LRRC4C: variants seen among roughly 807,000 people sequenced by gnomAD.
LRRC4C encodes leucine rich repeat containing 4C.
A neutral mutation model predicts 33.6 loss-of-function variants in LRRC4C; 5 were observed. The observed-to-expected ratio is 0.15, with a 90% CI of 0.08 to 0.31. The LOEUF is 0.31. LRRC4C is among the 10% of genes least tolerant of loss of function. The pLI is 1.00. For missense variants in LRRC4C, 560 were observed against 796.7 expected (o/e 0.70, Z 3.58); for synonymous variants, 329 against 302.0 (o/e 1.09, Z -0.93).
intron 3 of LRRC4C, among the ~76,000 whole-genome samples, chr11:40,396,436 T>C (rs1373354768): frequency 6.6e-6 from 1 of 152,128 alleles, no homozygotes; most frequent in Non-Finnish European, 1.5e-5. Flanking sequence ...GTTAAAGATT[T>C]GTTAATAGTT....
At chr11:41,158,685 A>G (rs1944337683) in intron 1 of LRRC4C, among the ~76,000 whole-genome samples, 1 of 152,134 alleles carries the variant, frequency 6.6e-6, no homozygotes, top group South Asian at 2.1e-4. Context: ...TTATGCTTTC[A>G]TACACTCTCA....
intron 1 of LRRC4C, among the ~76,000 whole-genome samples, chr11:41,203,825 T>C (rs192547062): frequency 2.6e-5 from 4 of 152,288 alleles, no homozygotes; most frequent in Non-Finnish European, 5.9e-5. Context: ...AGAGAAGATA[T>C]CTGTATATAA....
At chr11:40,984,324 A>G (rs1852772130) in intron 1 of LRRC4C, among the ~76,000 whole-genome samples, 1 of 148,210 alleles carries the variant, frequency 6.7e-6, no homozygotes, top group Non-Finnish European at 1.5e-5. Context: ...AGAAAAAGAA[A>G]AGAAAGAAAG....
chr11:40,683,146 C>A (rs529398040), intron 2 of LRRC4C, among the ~76,000 whole-genome samples: 1 of 152,076 alleles, frequency 6.6e-6, no homozygotes, highest in African/African-American at 2.4e-5. Flanking sequence ...TAGTTCTATG[C>A]GGGAAAGCAG....
At chr11:40,715,665 A>G (rs1946670739) in intron 2 of LRRC4C, among the ~76,000 whole-genome samples, 2 of 152,220 alleles carry the variant, frequency 1.3e-5, no homozygotes, top group Non-Finnish European at 2.9e-5. Flanking sequence ...AGAACAGAAT[A>G]TGGCAAGGAA....
chr11:40,815,760 T>C (rs2135422311), intron 2 of LRRC4C, among the ~76,000 whole-genome samples: 1 of 152,304 alleles, frequency 6.6e-6, no homozygotes, highest in Non-Finnish European at 1.5e-5. Flanking sequence ...ACCTGCACCT[T>C]CCTCTTTAAC....
At chr11:40,615,892 G>A (rs1273657431) in intron 3 of LRRC4C, among the ~76,000 whole-genome samples, 1 of 151,746 alleles carries the variant, frequency 6.6e-6, no homozygotes, top group Non-Finnish European at 1.5e-5. Context: ...AACTAATGAA[G>A]AAAATCTGCT....
intron 3 of LRRC4C, among the ~76,000 whole-genome samples, chr11:40,524,353 G>T (rs1209653889): frequency 6.6e-6 from 1 of 152,128 alleles, no homozygotes; most frequent in East Asian, 1.9e-4. Flanking sequence ...AGATGGTGAT[G>T]AAGTTACTTT....
At chr11:40,881,343 A>T (rs1050694026) in intron 2 of LRRC4C, among the ~76,000 whole-genome samples, 1 of 152,160 alleles carries the variant, frequency 6.6e-6, no homozygotes, top group African/African-American at 2.4e-5. Flanking sequence ...AAAATCTAGG[A>T]CACATGTCTT....
intron 1 of LRRC4C, among the ~76,000 whole-genome samples, chr11:40,947,328 G>A (rs895094603): frequency 2.0e-5 from 3 of 152,096 alleles, no homozygotes; most frequent in Non-Finnish European, 2.9e-5. Context: ...CACATTTTAG[G>A]TTTTGCTGTT....
At position 40,642,448 on chromosome 11, in the gene LRRC4C, T is replaced by C. The variant is rs970006646; in HGVS notation, c.-270+5694A>G. Among the ~76,000 whole-genome samples, 5 of 152,154 alleles carry C rather than the reference T, an allele frequency of 3.3e-5. No homozygotes were observed. In the East Asian group the frequency reaches 9.6e-4, roughly 29 times the overall value. On this transcript the variant is annotated intron_variant, in intron 3 of 6. Coordinates refer to ENST00000528697, the MANE Select transcript of LRRC4C (RefSeq NM_001258419.2). ...ATCTCTCTCCCTCTGTTAACTCCCA[T>C]AGCAAGCCATGTGTGATGACTAATG...
chr11:40,499,614 G>T (rs557632998), intron 3 of LRRC4C, among the ~76,000 whole-genome samples: 1 of 152,300 alleles, frequency 6.6e-6, no homozygotes, highest in African/African-American at 2.4e-5. Flanking sequence ...ATGTATTGAT[G>T]ATTATGGAGA....
intron 1 of LRRC4C, among the ~76,000 whole-genome samples, chr11:41,398,332 T>G (rs1430298031): frequency 2.0e-5 from 3 of 151,870 alleles, no homozygotes; most frequent in Admixed American, 6.6e-5. Context: ...ACGTACCACC[T>G]ACAAATATGT....
chr11:40,498,110 A>G (rs1954564608), intron 3 of LRRC4C, among the ~76,000 whole-genome samples: 1 of 152,214 alleles, frequency 6.6e-6, no homozygotes, highest in African/African-American at 2.4e-5. Context: ...GAGTGGTTAT[A>G]GAGACCACCC....
intron 2 of LRRC4C, among the ~76,000 whole-genome samples, chr11:40,869,073 A>T (rs1389348328): frequency 9.1e-5 from 1 of 10,982 alleles, no homozygotes; most frequent in Non-Finnish European, 5.5e-3. Flanking sequence ...TGGGGGATAG[A>T]TTATTTCCAT....
intron 2 of LRRC4C, among the ~76,000 whole-genome samples, chr11:40,791,235 A>G (rs536389142): frequency 6.6e-6 from 1 of 152,308 alleles, no homozygotes; most frequent in South Asian, 2.1e-4. Context: ...GGGGCCTATG[A>G]AAGCATTGTA....
At chr11:41,304,333 G>T (rs1344116003) in intron 1 of LRRC4C, among the ~76,000 whole-genome samples, 26 of 103,712 alleles carry the variant, frequency 2.5e-4, no homozygotes, top group Non-Finnish European at 3.1e-4. Flanking sequence ...CAGCCGCCCC[G>T]TCCGGGAGGG....
intron 1 of LRRC4C, among the ~76,000 whole-genome samples, chr11:41,053,870 T>C (rs1056764807): frequency 4.6e-5 from 7 of 152,234 alleles, no homozygotes; most frequent in African/African-American, 1.7e-4. Context: ...TCAGTGCATT[T>C]AAACTTAAAT....
Position 41,061,462 on chromosome 11 carries a change from C to T in LRRC4C, c.-495-127739G>A, listed in dbSNP as rs1459692828. ...TCAGATAATTAATACACTTAATCCA[C>T]AGCAAGACTTCTAGACTCTGAATAT... On this transcript the variant is annotated intron_variant, in intron 1 of 6. Coordinates refer to ENST00000528697, the MANE Select transcript of LRRC4C (RefSeq NM_001258419.2). 3.9e-5 allele frequency among the ~76,000 whole-genome samples: 6 copies of T among 152,260 alleles called. No individual in the cohort carries two copies. The South Asian group carries it at 1.0e-3, about 26-fold the overall frequency.
Sources: allele counts gnomAD v4.1 joint callset (sites outside exome capture counted in the v4.1 genomes callset), GRCh38; gene constraint gnomAD v4.1.1; transcripts MANE v1.5; gene names NCBI Gene and HGNC (gene_info 2026-07-23, HGNC 2026-07-21).